Variants in ESRRA observed in about 807,000 individuals in gnomAD.
ESRRA encodes the protein steroid hormone receptor ERR1.
ESRRA carries 7 observed loss-of-function variants against 35.6 expected under a neutral mutation model. The ratio of observed to expected loss-of-function variants is 0.20; its 90% CI spans 0.11 to 0.37. The LOEUF is 0.37. Ranked by LOEUF, ESRRA falls within the 10% of genes least tolerant of loss-of-function variation. The probability of loss-of-function intolerance (pLI) is 1.00; values close to 1 mark genes in which losing one functional copy is unlikely to be tolerated. For synonymous variants in ESRRA, 223 were observed against 246.9 expected (o/e 0.90, Z 0.91); for missense variants, 378 against 561.7 (o/e 0.67, Z 3.31).
In ESRRA at chr11:64,314,875, A is replaced by G. The variant is rs753316276; in HGVS notation, c.706A>G (p.Ile236Val). ...CCTCTGTGACCTCTTTGACCGAGAG[A>G]TTGTGGTCACCATCAGCTGGGCCAA... Reference protein sequence around the residue: ...ATLCDLFDREIVVTISWAKSI... With the variant: ...ATLCDLFDREVVVTISWAKSI... The change falls in exon 5 of 7, where the codon ATT becomes GTT. Residue 236 changes from isoleucine (I) to valine (V), a missense_variant. By Grantham distance (29) the Ile-to-Val change is conservative. Coordinates refer to ENST00000000442, the MANE Select transcript of ESRRA (RefSeq NM_004451.5). 6.2e-6 allele frequency: 10 copies of G among 1,612,346 alleles called. No individual in the cohort carries two copies. In the South Asian group the frequency reaches 8.8e-5, roughly 14 times the overall value.
At position 64,316,168 on chromosome 11, in the gene ESRRA, G is replaced by GCT. The variant is rs1246256892; in HGVS notation, c.*205_*206dup. On this transcript the variant is annotated 3_prime_UTR_variant, in exon 7 of 7. Transcript: ENST00000000442. Reference sequence around the variant, plus strand: ...TCAGAAGCTGGGAACGTGTGTCCAGGCTCTGGGCACAGTGCTGCCCCTTGC... The same window carrying GCT: ...TCAGAAGCTGGGAACGTGTGTCCAGGCTCTCTGGGCACAGTGCTGCCCCTTGC... 2 of 615,768 alleles carry GCT rather than the reference G, an allele frequency of 3.2e-6. No individual in the cohort carries two copies. The highest frequency in any genetic ancestry group is 3.7e-5 in the African/African-American group (2 of 53,974). 38.1% of individuals were successfully genotyped at this position (615,768 alleles called of 1,614,324 possible).
chr11:64,315,386 A>C, intron 6 of ESRRA, 116 bp downstream of exon 6: 1 of 1,250,734 alleles, frequency 8.0e-7, no homozygotes, highest in South Asian at 1.6e-5. Context: ...TTAGGGAAGA[A>C]CAATGACTTG....
chr11:64,316,549 C>A lies in ESRRA; in HGVS notation c.*583C>A. 1 of 307,248 alleles carries A rather than the reference C, an allele frequency of 3.3e-6. No homozygotes were observed. Among genetic ancestry groups the A allele is most frequent in the South Asian group, 3.4e-5 (1 of 29,450 alleles). The allele number at this position is 307,248 out of a possible 1,614,324, so 19.0% of individuals were successfully genotyped here. On this transcript the variant is annotated 3_prime_UTR_variant, in exon 7 of 7. Coordinates refer to ENST00000000442, the MANE Select transcript of ESRRA (RefSeq NM_004451.5). ...CTCAGGGGGTAGGAGAGCACTGCCT[C>A]TATGCCCTGCAGAGCAATAACACTA... is the stretch of plus-strand genomic sequence containing the variant.
chr11:64,307,920 TCTCA>T (rs1418436188), intron 2 of ESRRA, among the ~76,000 whole-genome samples: 1 of 151,162 alleles, frequency 6.6e-6, no homozygotes, highest in African/African-American at 2.4e-5. Context: ...TGAGACAGAG[TCTCA>T]CTCTGTTGTT....
In ESRRA at chr11:64,316,139, G is replaced by T; in HGVS notation, c.*173G>T. ...ACGCCCTCTCCTCCCCCTCCTAGGG[G>T]GTGTCAGAAGCTGGGAACGTGTGTC... On this transcript the variant is annotated 3_prime_UTR_variant, in exon 7 of 7. Coordinates refer to ENST00000000442, the MANE Select transcript of ESRRA (RefSeq NM_004451.5). The T allele has an allele frequency of 1.4e-6, 1 of 735,656 alleles. No individual in the cohort carries two copies. Among genetic ancestry groups the T allele is most frequent in the Non-Finnish European group, 2.2e-6 (1 of 458,326 alleles). The allele number at this position is 735,656 out of a possible 1,614,324, so 45.6% of individuals were successfully genotyped here. A position where few individuals can be genotyped will look rare whatever the true frequency, so the allele number is the denominator to read the frequency against.
chr11:64,310,667 C>T (rs2035124455), intron 2 of ESRRA, among the ~76,000 whole-genome samples: 1 of 151,490 alleles, frequency 6.6e-6, no homozygotes, highest in South Asian at 2.1e-4. Context: ...CCTGCCTCAG[C>T]CTCCCAAGTA....
rs143628931 is a variant in ESRRA at position 64,313,389 on chromosome 11, G to A, written c.326-562G>A. Among the ~76,000 whole-genome samples the A allele has an allele frequency of 5.3e-5, 8 of 152,286 alleles. No homozygotes were observed. Among genetic ancestry groups the A allele is most frequent in the African/African-American group, 1.9e-4 (8 of 41,560 alleles). The stretch of plus-strand genomic sequence containing the variant: ...GCAAGTCCAGGCTAGAGGTAGAAAC[G>A]TGAGAGCCCCACGGCTGGGGAAGAT... On this transcript the variant is annotated intron_variant, in intron 2 of 6. Transcript: ENST00000000442. This position sits in a 1 kb window ranked among gnomAD's most constrained non-coding sequence, Gnocchi z 4.0.
chr11:64,313,923 C>T lies in ESRRA; in HGVS notation c.326-28C>T, dbSNP rs777166129. On this transcript the variant is annotated intron_variant, in intron 2 of 6. Coordinates refer to ENST00000000442, the MANE Select transcript of ESRRA (RefSeq NM_004451.5). This position sits in a 1 kb window ranked among gnomAD's most constrained non-coding sequence, Gnocchi z 4.0. The stretch of plus-strand genomic sequence containing the variant: ...GTCCCCTCCCAGCCCCGGGAGGCCG[C>T]CACTGGAGCCCTGCCTCTTCCTGGC... 2.7e-6 allele frequency: 4 copies of T among 1,503,052 alleles called. No individual in the cohort carries two copies. Among genetic ancestry groups the T allele is most frequent in the Non-Finnish European group, 3.6e-6 (4 of 1,107,704 alleles). The allele number at this position is 1,503,052 out of a possible 1,614,324, so 93.1% of individuals were successfully genotyped here. A position where few individuals can be genotyped will look rare whatever the true frequency, so the allele number is the denominator to read the frequency against.
rs1440986604 is a variant in ESRRA, at chr11:64,313,914, G to A, written c.326-37G>A. ...GTCAGCTGGGTCCCCTCCCAGCCCCGGGAGGCCGCCACTGGAGCCCTGCCT... is the reference window on the plus strand; with the variant it reads ...GTCAGCTGGGTCCCCTCCCAGCCCCAGGAGGCCGCCACTGGAGCCCTGCCT... On this transcript the variant is annotated intron_variant, in intron 2 of 6. Transcript: ENST00000000442. The surrounding 1 kb of genome is among the most constrained non-coding windows in gnomAD (Gnocchi z 4.0). The A allele has an allele frequency of 1.2e-5, 17 of 1,461,224 alleles. No individual in the cohort carries two copies. Among genetic ancestry groups the A allele is most frequent in the South Asian group, 3.8e-5 (3 of 78,596 alleles). The allele number at this position is 1,461,224 out of a possible 1,614,324, so 90.5% of individuals were successfully genotyped here.
chr11:64,315,546 C>G (rs1344245101), intron 6 of ESRRA, among the ~76,000 whole-genome samples, 161 bp from the exon 7 acceptor site: 1 of 152,124 alleles, frequency 6.6e-6, no homozygotes, highest in African/African-American at 2.4e-5. Context: ...AGGGTGGGGT[C>G]CTGGCCCACG....
chr11:64,309,578 G>A (rs997346775), intron 2 of ESRRA, among the ~76,000 whole-genome samples: 16 of 149,306 alleles, frequency 1.1e-4, no homozygotes, highest in African/African-American at 2.2e-4. Flanking sequence ...TATTATTTCC[G>A]TTATTTCTGC....
Position 64,308,170 on chromosome 11 carries a change from A to C in ESRRA, c.325+666A>C, listed in dbSNP as rs182219336. On this transcript the variant is annotated intron_variant, in intron 2 of 6. Coordinates refer to ENST00000000442, the MANE Select transcript of ESRRA (RefSeq NM_004451.5). ...GCCTCCCAAAACAAGGCAGATTTTT[A>C]TCAGTACTTGAGAGGGGCTACATCA... 4.6e-3 allele frequency among the ~76,000 whole-genome samples: 694 copies of C among 151,918 alleles called. 2 individuals are homozygous for C. Among genetic ancestry groups the C allele is most frequent in the Non-Finnish European group, 7.6e-3 (515 of 67,936 alleles).
At position 64,315,104 on chromosome 11, in the gene ESRRA, T is replaced by C. The variant is rs2035219670; in HGVS notation, c.846T>C (p.Asp282=). 6.2e-7 allele frequency: 1 copy of C among 1,611,930 alleles called. No homozygotes were observed. The highest frequency in any genetic ancestry group is 1.1e-5 in the South Asian group (1 of 91,000). ...CCCAGCGCTCACTGCCACTGCAGGA[T>C]GAGCTGGCCTTCGCTGAGGACTTAG... ...GVAQRSLPLQ[D]ELAFAEDLVL... is the part of the protein sequence containing the mutation. The change falls in exon 6 of 7, where the codon GAT becomes GAC. Residue 282 remains aspartate, a synonymous_variant. Coordinates refer to ENST00000000442, the MANE Select transcript of ESRRA (RefSeq NM_004451.5).
At position 64,313,238 on chromosome 11, in the gene ESRRA, T is replaced by C. The variant is rs535975654; in HGVS notation, c.326-713T>C. 6.6e-6 allele frequency among the ~76,000 whole-genome samples: 1 copy of C among 152,222 alleles called. No individual in the cohort carries two copies. Among genetic ancestry groups the C allele is most frequent in the South Asian group, 2.1e-4 (1 of 4,828 alleles). On this transcript the variant is annotated intron_variant, in intron 2 of 6. Coordinates refer to ENST00000000442, the MANE Select transcript of ESRRA (RefSeq NM_004451.5). This position sits in a 1 kb window ranked among gnomAD's most constrained non-coding sequence, Gnocchi z 4.0. ...GTGGGGTGTGAGAGGAACCAGAGAT[T>C]CTGCCTAGGTTTCTTCTTGGGCAAG...
At chr11:64,314,675 A>T in intron 4 of ESRRA, 66 bp from the exon 5 acceptor site, 4 of 1,497,762 alleles carry the variant, frequency 2.7e-6, no homozygotes, top group Non-Finnish European at 3.6e-6. Flanking sequence ...CACTGTGGGA[A>T]GATGCTTGAC....
intron 2 of ESRRA, among the ~76,000 whole-genome samples, chr11:64,309,151 A>C (rs1463398784): frequency 6.7e-6 from 1 of 149,286 alleles, no homozygotes; most frequent in Admixed American, 6.7e-5. Flanking sequence ...AAACCCAAAA[A>C]CGCTGGGCTT....
chr11:64,307,425 T>C lies in ESRRA; in HGVS notation c.246T>C (p.Cys82=), dbSNP rs771441085. 8 of 1,570,256 alleles carry C rather than the reference T, an allele frequency of 5.1e-6. No homozygotes were observed. In the East Asian group the frequency reaches 1.6e-4, roughly 31 times the overall value. The change falls in exon 2 of 7, where the codon TGT becomes TGC. Residue 82 remains cysteine, a synonymous_variant. Transcript: ENST00000000442. ...TGCCCAAGCGCCTCTGCCTGGTCTG[T>C]GGGGACGTGGCCTCCGGCTACCACT... ...SSLPKRLCLV[C]GDVASGYHYG...
Position 64,313,632 on chromosome 11 carries a change from C to G in ESRRA, c.326-319C>G, listed in dbSNP as rs192373894. ...CCTTTTAGGCCAAGTAACATGAGGA[C>G]TAAGAATTGACCACTGGATTTAGCA... On this transcript the variant is annotated intron_variant, in intron 2 of 6. Transcript: ENST00000000442. The surrounding 1 kb of genome is among the most constrained non-coding windows in gnomAD (Gnocchi z 4.0). The G allele has an allele frequency of 1.7e-3, 452 of 269,506 alleles. 2 individuals are homozygous for G. Among genetic ancestry groups the G allele is most frequent in the Non-Finnish European group, 1.7e-3 (238 of 143,160 alleles). 16.7% of individuals were successfully genotyped at this position (269,506 alleles called of 1,614,324 possible).
At position 64,313,673 on chromosome 11, in the gene ESRRA, T is replaced by C. The variant is rs185565221; in HGVS notation, c.326-278T>C. 21 of 382,144 alleles carry C rather than the reference T, an allele frequency of 5.5e-5. No individual in the cohort carries two copies. The East Asian group carries it at 6.8e-4, about 12-fold the overall frequency. 23.7% of individuals were successfully genotyped at this position (382,144 alleles called of 1,614,324 possible). A position where few individuals can be genotyped will look rare whatever the true frequency, so the allele number is the denominator to read the frequency against. ...GGATTTAGCAATGCAGAGGTCCTTGTGGCCCTTGATGTCGGCAGATGAGGG... is the reference window on the plus strand; with the variant it reads ...GGATTTAGCAATGCAGAGGTCCTTGCGGCCCTTGATGTCGGCAGATGAGGG... On this transcript the variant is annotated intron_variant, in intron 2 of 6. Coordinates refer to ENST00000000442, the MANE Select transcript of ESRRA (RefSeq NM_004451.5). The surrounding 1 kb of genome is among the most constrained non-coding windows in gnomAD (Gnocchi z 4.0).
Sources: allele counts gnomAD v4.1 joint callset (sites outside exome capture counted in the v4.1 genomes callset), GRCh38; gene constraint gnomAD v4.1.1; non-coding constraint Gnocchi (gnomAD v3.1); transcripts MANE v1.5; gene names NCBI Gene and HGNC (gene_info 2026-07-23, HGNC 2026-07-21).